The following SYNE3 variants were observed in gnomAD, a reference collection of about 807,000 sequenced individuals.
The protein encoded by SYNE3 is spectrin repeat containing nuclear envelope family member 3.
SYNE3 carries 100 observed loss-of-function variants against 111.2 expected under a neutral mutation model. The observed-to-expected ratio is 0.90, with a 90% CI of 0.77 to 1.06. The LOEUF (loss-of-function observed/expected upper bound fraction) is 1.06, where lower values mean the gene tolerates loss of function less well. Among genes scored for constraint, SYNE3 ranks in the 50% least tolerant of loss-of-function variants. The probability of loss-of-function intolerance (pLI) is 0.00; values close to 1 mark genes in which losing one functional copy is unlikely to be tolerated. For synonymous variants in SYNE3, 547 were observed against 533.9 expected (o/e 1.02, Z -0.34); for missense variants, 1,160 against 1,240.3 (o/e 0.94, Z 0.97).
chr14:95,450,889 T>C (rs1305568530), intron 7 of SYNE3: 1 of 152,192 alleles, frequency 6.6e-6, no homozygotes, highest in Non-Finnish European at 1.5e-5. Flanking sequence ...CATGGAGACA[T>C]TATTCTTCCA....
At chr14:95,463,476 TCTC>T (rs1887969809) in intron 4 of SYNE3, among the ~76,000 whole-genome samples, 1 of 152,188 alleles carries the variant, frequency 6.6e-6, no homozygotes, top group Admixed American at 6.5e-5. Context: ...TTTTATCTCA[TCTC>T]CTCCACACCC....
In SYNE3 at chr14:95,444,586, G is replaced by T. The variant is rs150245374; in HGVS notation, c.1675C>A (p.Pro559Thr). ...AGGTCCAAGAGCTTCCTCTGCAGGG[G>T]CTCAAAAGCTGCTCCAAAGTCTTTG... ...QHKDFGAAFE[P>T]LQRKLLDLQV... is the part of the protein sequence containing the mutation. Residue 559 changes from proline (P) to threonine (T), a missense_variant, in exon 10 of 18, where the codon CCC (proline) becomes ACC (threonine). Pro to Thr is a conservative substitution (Grantham distance 38, BLOSUM62 -1). Coordinates refer to ENST00000682763, the MANE Select transcript of SYNE3 (RefSeq NM_152592.6). 4.3e-3 allele frequency: 6,966 copies of T among 1,612,388 alleles called. 28 individuals are homozygous for T. Among genetic ancestry groups the T allele is most frequent in the Non-Finnish European group, 5.0e-3 (5,842 of 1,178,802 alleles).
chr14:95,492,715 A>G (rs957440802), intron 1 of SYNE3, among the ~76,000 whole-genome samples: 1 of 152,126 alleles, frequency 6.6e-6, no homozygotes, highest in Non-Finnish European at 1.5e-5. Context: ...AGCTCTGTGA[A>G]TATACTAAGA....
chr14:95,484,076 A>T (rs1889409205), intron 1 of SYNE3, among the ~76,000 whole-genome samples: 1 of 152,230 alleles, frequency 6.6e-6, no homozygotes, highest in African/African-American at 2.4e-5. Flanking sequence ...TCTTCAATGA[A>T]TGAAACCCAA....
chr14:95,439,221 T>C (rs1393140864), intron 13 of SYNE3, 59 bp from the exon 14 acceptor site: 14 of 1,604,630 alleles, frequency 8.7e-6, no homozygotes, highest in Non-Finnish European at 1.1e-5. Flanking sequence ...CACCAGGACA[T>C]GGGAAAAGTA....
intron 17 of SYNE3, among the ~76,000 whole-genome samples, chr14:95,428,012 G>A (rs750250157): frequency 1.6e-4 from 25 of 152,264 alleles, no homozygotes; most frequent in African/African-American, 4.3e-4. Context: ...TTTACAAACC[G>A]CTAAGAAAGA....
At chr14:95,469,877 TGATGATGAC>T (rs1368840452) in intron 2 of SYNE3, among the ~76,000 whole-genome samples, 1 of 127,404 alleles carries the variant, frequency 7.8e-6, no homozygotes. Flanking sequence ...CAATAATCGT[TGATGATGAC>T]GATGATGATG....
At chr14:95,422,847 T>A (rs571081829) in intron 17 of SYNE3, among the ~76,000 whole-genome samples, 3 of 152,306 alleles carry the variant, frequency 2.0e-5, no homozygotes, top group South Asian at 4.1e-4. Context: ...TCCTCCTGGG[T>A]GTCCCCAAGA....
chr14:95,488,472 C>T (rs149485634), intron 1 of SYNE3, among the ~76,000 whole-genome samples: 1,588 of 152,202 alleles, frequency 0.01, 13 homozygotes, highest in South Asian at 0.018. Flanking sequence ...CATATGCTTT[C>T]ATTTCTCTTG....
At chr14:95,456,084 A>G (rs1232379262) in intron 5 of SYNE3, 6 of 362,138 alleles carry the variant, frequency 1.7e-5, no homozygotes, top group Non-Finnish European at 2.5e-5. Flanking sequence ...GTTCGGTTTC[A>G]TTGTATTTAT....
intron 8 of SYNE3, among the ~76,000 whole-genome samples, chr14:95,449,211 C>A (rs1439001188): frequency 6.6e-6 from 1 of 152,202 alleles, no homozygotes; most frequent in African/African-American, 2.4e-5. Context: ...TTTTGGGATG[C>A]AAAGTGCTCA....
intron 2 of SYNE3, among the ~76,000 whole-genome samples, chr14:95,475,337 C>G (rs1428656708): frequency 6.6e-6 from 1 of 152,096 alleles, no homozygotes; most frequent in African/African-American, 2.4e-5. Context: ...GGAAGCCCCC[C>G]AGCAAGGGCT....
intron 17 of SYNE3, among the ~76,000 whole-genome samples, chr14:95,425,673 G>A (rs1885391094): frequency 6.6e-6 from 1 of 152,146 alleles, no homozygotes. Flanking sequence ...TTAATTAATG[G>A]GGAAGATGGA....
intron 1 of SYNE3, among the ~76,000 whole-genome samples, chr14:95,483,961 C>G (rs545684757): frequency 6.6e-6 from 1 of 152,346 alleles, no homozygotes; most frequent in South Asian, 2.1e-4. Flanking sequence ...CATTTTAAGT[C>G]AGTCCCACTG....
chr14:95,443,182 G>T lies in SYNE3; in HGVS notation c.1884C>A (p.Asp628Glu). The T allele has an allele frequency of 6.2e-7, 1 of 1,614,120 alleles. No homozygotes were observed. The highest frequency in any genetic ancestry group is 8.5e-7 in the Non-Finnish European group (1 of 1,179,984). Residue 628 changes from aspartate (D) to glutamate (E), a missense_variant, in exon 11 of 18, where the codon GAC (aspartate) becomes GAA (glutamate). By Grantham distance (45) the Asp-to-Glu change is conservative (BLOSUM62 2). Transcript: ENST00000682763. ...CCAGAGACCTCTGCAGGGCCTGGAA[G>T]TCGGAGGAAAGCTGGTCCATTTTGT... ...HQHKMDQLSS[D>E]FQALQRSLED... is the part of the protein sequence containing the mutation.
chr14:95,448,591 G>A (rs1277557586), intron 8 of SYNE3, among the ~76,000 whole-genome samples: 3 of 152,234 alleles, frequency 2.0e-5, no homozygotes, highest in Non-Finnish European at 4.4e-5. Flanking sequence ...GGGAGGCTGA[G>A]GCAGGAGAAT....
intron 1 of SYNE3, among the ~76,000 whole-genome samples, chr14:95,514,719 A>T (rs924030477): frequency 6.6e-6 from 1 of 152,248 alleles, no homozygotes; most frequent in Non-Finnish European, 1.5e-5. Context: ...GACTGGACTC[A>T]GGCAATCCAA....
chr14:95,449,879 G>A (rs1886954917), intron 8 of SYNE3, 52 bp downstream of exon 8: 40 of 1,531,480 alleles, frequency 2.6e-5, no homozygotes, highest in Non-Finnish European at 3.5e-5. Flanking sequence ...GAAACACCAT[G>A]CCCCGCCAGT....
At chr14:95,455,083 A>G (rs1229414905) in intron 6 of SYNE3, among the ~76,000 whole-genome samples, 1 of 152,188 alleles carries the variant, frequency 6.6e-6, no homozygotes, top group Non-Finnish European at 1.5e-5. Context: ...TTGAGGCCCA[A>G]ACCTGGCTGC....
Sources: allele counts gnomAD v4.1 joint callset (sites outside exome capture counted in the v4.1 genomes callset), GRCh38; gene constraint gnomAD v4.1.1; transcripts MANE v1.5; gene names NCBI Gene and HGNC (gene_info 2026-07-23, HGNC 2026-07-21).